The following IGSF11 variants were observed in gnomAD, a reference collection of about 807,000 sequenced individuals.
IGSF11 encodes the protein CXADR like 1.
IGSF11 carries 22 observed loss-of-function variants against 41.0 expected under a neutral mutation model. That is an observed-to-expected ratio of 0.54 (90% confidence interval 0.38 to 0.77). The LOEUF is 0.77. Ranked by LOEUF, IGSF11 falls within the 30% of genes least tolerant of loss-of-function variation. IGSF11 has a pLI of 0.00. For synonymous variants in IGSF11, 219 were observed against 201.3 expected (o/e 1.09, Z -0.74); for missense variants, 444 against 530.8 (o/e 0.84, Z 1.61).
chr3:119,002,331 C>A (rs1470189269), intron 1 of IGSF11, among the ~76,000 whole-genome samples: 1 of 150,602 alleles, frequency 6.6e-6, no homozygotes, highest in Admixed American at 6.6e-5. Flanking sequence ...TTGTTTTTTT[C>A]TTGTAAATTT....
intron 1 of IGSF11, among the ~76,000 whole-genome samples, chr3:119,048,413 T>TC (rs1488603485): frequency 3.9e-5 from 6 of 152,058 alleles, no homozygotes; most frequent in Non-Finnish European, 5.9e-5. Context: ...ATGGATAAAT[T>TC]CTTGACACAT....
At position 119,028,772 on chromosome 3, in the gene IGSF11, G is replaced by T. The variant is rs189424301; in HGVS notation, c.52+5759C>A. On this transcript the variant is annotated intron_variant, in intron 1 of 6. Transcript: ENST00000393775. ...AATATTTACCAAGGTGTAAAGATTA[G>T]TTGAAGCTGACATAGTCACACCAAA... Among the ~76,000 whole-genome samples, 17 of 151,922 alleles carry T rather than the reference G, an allele frequency of 1.1e-4. No individual in the cohort carries two copies. The East Asian group carries it at 2.5e-3, about 22-fold the overall frequency.
chr3:118,975,263 C>T (rs907804635), intron 1 of IGSF11, among the ~76,000 whole-genome samples: 3 of 151,812 alleles, frequency 2.0e-5, no homozygotes, highest in Non-Finnish European at 4.4e-5. Flanking sequence ...TATCCCACCA[C>T]TTTTCTATTT....
At chr3:119,083,126 C>CTTT (rs79620142) in intron 1 of IGSF11, among the ~76,000 whole-genome samples, 6,482 of 128,922 alleles carry the variant, frequency 0.05, 238 homozygotes, top group African/African-American at 0.067. Context: ...TTTCTTTTTT[C>CTTT]TTTTTTTTTT....
chr3:118,920,116 G>A (rs1465204113), intron 4 of IGSF11, among the ~76,000 whole-genome samples: 1 of 120,408 alleles, frequency 8.3e-6, no homozygotes, highest in Non-Finnish European at 1.7e-5. Flanking sequence ...GTGGTGGGGT[G>A]GGGGGAGGGG....
At chr3:119,003,681 G>C (rs1035293428) in intron 1 of IGSF11, among the ~76,000 whole-genome samples, 1 of 151,802 alleles carries the variant, frequency 6.6e-6, no homozygotes, top group African/African-American at 2.4e-5. Flanking sequence ...AAGGGTTGTT[G>C]AATTTTGTCA....
At chr3:119,102,049 G>A (rs1488329831) in intron 1 of IGSF11, among the ~76,000 whole-genome samples, 2 of 151,828 alleles carry the variant, frequency 1.3e-5, no homozygotes, top group Admixed American at 1.3e-4. Flanking sequence ...TCTTTTGTTT[G>A]TTCTATTATT....
At chr3:118,968,007 T>G (rs1181596611) in intron 1 of IGSF11, among the ~76,000 whole-genome samples, 3 of 152,134 alleles carry the variant, frequency 2.0e-5, no homozygotes, top group Non-Finnish European at 4.4e-5. Flanking sequence ...TTTTGAGATC[T>G]TAACCAAAAA....
At chr3:118,905,978 C>T (rs192273847) in intron 4 of IGSF11, among the ~76,000 whole-genome samples, 117 of 152,242 alleles carry the variant, frequency 7.7e-4, no homozygotes, top group Non-Finnish European at 1.2e-3. Context: ...CATGTAAAGT[C>T]CTAAATGTTA....
intron 1 of IGSF11, among the ~76,000 whole-genome samples, chr3:119,025,248 C>G (rs1939708041): frequency 6.6e-6 from 1 of 152,026 alleles, no homozygotes; most frequent in Non-Finnish European, 1.5e-5. Flanking sequence ...TACTGGAAAC[C>G]ATGTCAAAGA....
chr3:119,106,592 T>TA (rs1339449666), upstream of IGSF11, among the ~76,000 whole-genome samples: 1 of 152,166 alleles, frequency 6.6e-6, no homozygotes, highest in Non-Finnish European at 1.5e-5. Flanking sequence ...ACATTTTTTT[T>TA]TATTATTATT....
intron 1 of IGSF11, among the ~76,000 whole-genome samples, chr3:119,025,438 TA>T (rs1939726052): frequency 1.3e-5 from 2 of 151,434 alleles, no homozygotes. Flanking sequence ...CTTGTAACAG[TA>T]ACTGCCACTA....
At chr3:119,014,368 G>A (rs1349167746) in intron 1 of IGSF11, among the ~76,000 whole-genome samples, 1 of 152,118 alleles carries the variant, frequency 6.6e-6, no homozygotes, top group East Asian at 1.9e-4. Context: ...CATCCCCATT[G>A]TACCTAAACA....
At chr3:119,029,450 GT>G (rs1455862801) in intron 1 of IGSF11, among the ~76,000 whole-genome samples, 1 of 152,156 alleles carries the variant, frequency 6.6e-6, no homozygotes, top group South Asian at 2.1e-4. Flanking sequence ...TGTCTGCCTG[GT>G]TGGCTCCAGG....
intron 1 of IGSF11, among the ~76,000 whole-genome samples, chr3:119,001,622 TC>T (rs1246257024): frequency 1.3e-5 from 1 of 76,490 alleles, no homozygotes; most frequent in African/African-American, 5.0e-5. Flanking sequence ...CCCTCCCCCC[TC>T]CCCCCACCCC....
intron 1 of IGSF11, among the ~76,000 whole-genome samples, chr3:119,081,556 G>A (rs9811795): frequency 0.17 from 25,522 of 152,040 alleles, 2,616 homozygotes; most frequent in Non-Finnish European, 0.24. Flanking sequence ...TTTAAAAAGC[G>A]TTTCTTTTCT....
At chr3:119,097,558 G>A (rs1222595750) in intron 1 of IGSF11, among the ~76,000 whole-genome samples, 4 of 152,094 alleles carry the variant, frequency 2.6e-5, no homozygotes, top group African/African-American at 9.7e-5. Context: ...GAGAGAGAGA[G>A]CCTGCTAACT....
chr3:119,088,338 T>C (rs2076710177), intron 1 of IGSF11, among the ~76,000 whole-genome samples: 1 of 152,030 alleles, frequency 6.6e-6, no homozygotes, highest in South Asian at 2.1e-4. Context: ...GAGTGAACAT[T>C]GAAATTAAGG....
chr3:119,136,311 T>C (rs1275779251), intron 1 of IGSF11, among the ~76,000 whole-genome samples: 1 of 152,122 alleles, frequency 6.6e-6, no homozygotes, highest in Non-Finnish European at 1.5e-5. Flanking sequence ...GAATCAGTTC[T>C]TGTTTATCAA....
Sources: allele counts gnomAD v4.1 joint callset (sites outside exome capture counted in the v4.1 genomes callset), GRCh38; gene constraint gnomAD v4.1.1; transcripts MANE v1.5; gene names NCBI Gene and HGNC (gene_info 2026-07-23, HGNC 2026-07-21).